The following LOXHD1 variants were observed in gnomAD, a reference collection of about 807,000 sequenced individuals.
LOXHD1 encodes lipoxygenase homology PLAT domains 1, also known as lipoxygenase homology domain-containing protein 1.
Under a neutral mutation model 248.2 loss-of-function variants are expected in LOXHD1, and 205 were observed. The observed-to-expected ratio is 0.83, with a 90% CI of 0.74 to 0.93. The LOEUF is 0.93. LOXHD1 is among the 40% of genes least tolerant of loss of function. The pLI, the probability that LOXHD1 is intolerant of heterozygous loss-of-function variation, is 0.00. For missense variants in LOXHD1, 2,930 were observed against 2,971.6 expected (o/e 0.99, Z 0.33); for synonymous variants, 1,113 against 1,162.8 (o/e 0.96, Z 0.87).
chr18:46,641,954 A>T lies in LOXHD1; in HGVS notation c.326+2T>A. 6.4e-7 allele frequency: 1 copy of T among 1,551,386 alleles called. No individual in the cohort carries two copies. The highest frequency in any genetic ancestry group is 8.7e-7 in the Non-Finnish European group (1 of 1,146,486). On this transcript the variant is annotated splice_donor_variant, in intron 3 of 40. Transcript: ENST00000642948. LOFTEE classifies it high-confidence loss of function. ...AATCCTAGTCAGGCGCCAGCTTCTC[A>T]CCTGACTTTATAGATGAGGCCCACA...
rs116413527 is a variant in LOXHD1, at chr18:46,649,223, C to T, written c.177G>A (p.Thr59=). ...AAAGCGTGATGAAGACATTGGCATCCGTCCCTGCACCGCGAACATCCCCCG... is the reference window on the plus strand; with the variant it reads ...AAAGCGTGATGAAGACATTGGCATCTGTCCCTGCACCGCGAACATCCCCCG... The part of the protein sequence containing the change: ...TATGDVRGAG[T]DANVFITLFG... Residue 59 remains threonine, a synonymous_variant, in exon 2 of 41, where the codon ACG becomes ACA. Coordinates refer to ENST00000642948, the MANE Select transcript of LOXHD1 (RefSeq NM_001384474.1). The T allele has an allele frequency of 2.0e-4, 309 of 1,551,818 alleles. 1 individual carries two copies. The African/African-American group carries it at 3.2e-3, about 16-fold the overall frequency.
chr18:46,553,704 A>C (rs553158368), intron 21 of LOXHD1, among the ~76,000 whole-genome samples: 9 of 152,338 alleles, frequency 5.9e-5, no homozygotes, highest in Non-Finnish European at 1.3e-4. Context: ...GGAGATGAGC[A>C]GCACCTAAAT....
intron 40 of LOXHD1, 44 bp from the exon 41 acceptor site, chr18:46,477,996 C>A: frequency 6.6e-7 from 1 of 1,517,074 alleles, no homozygotes; most frequent in Non-Finnish European, 8.9e-7. Context: ...GCTAAGCAGA[C>A]CCCAGCCGAG....
intron 24 of LOXHD1, among the ~76,000 whole-genome samples, chr18:46,542,277 T>C (rs1430789424): frequency 6.6e-6 from 1 of 152,108 alleles, no homozygotes; most frequent in Non-Finnish European, 1.5e-5. Context: ...CAAACAGAAC[T>C]CAGGGATGCC....
intron 33 of LOXHD1, chr18:46,519,134 T>C: frequency 1.0e-6 from 1 of 976,682 alleles, no homozygotes; most frequent in Non-Finnish European, 1.2e-6. Context: ...GAATGTTCTT[T>C]GGTCCCAGAT....
At chr18:46,483,861 A>C in intron 39 of LOXHD1, 116 bp from the exon 40 acceptor site, 1 of 1,228,344 alleles carries the variant, frequency 8.1e-7, no homozygotes, top group East Asian at 2.5e-5. Flanking sequence ...ATGGGATGGC[A>C]AGCAGGAGCT....
At chr18:46,512,208 C>T (rs1379876255) in intron 34 of LOXHD1, among the ~76,000 whole-genome samples, 1 of 152,154 alleles carries the variant, frequency 6.6e-6, no homozygotes, top group African/African-American at 2.4e-5. Flanking sequence ...CAGATAACAA[C>T]ATCGCCATTT....
intron 5 of LOXHD1, among the ~76,000 whole-genome samples, 194 bp from the exon 6 acceptor site, chr18:46,611,118 A>G (rs9964281): frequency 0.012 from 1,849 of 152,250 alleles, 31 homozygotes; most frequent in African/African-American, 0.041. Context: ...GCTTGTGCCC[A>G]GGTCTTATAA....
Position 46,610,768 on chromosome 18 carries a change from G to A in LOXHD1, c.759+8C>T. 1 of 1,548,442 alleles carries A rather than the reference G, an allele frequency of 6.5e-7. No homozygotes were observed. The highest frequency in any genetic ancestry group is 2.4e-5 in the East Asian group (1 of 40,860). On this transcript the variant is annotated splice_region_variant and intron_variant, in intron 6 of 40. Transcript: ENST00000642948. Reference sequence around the variant, plus strand: ...CCACAGGGACTGCAGAGAAGCAGCTGAACTCACCTGGGACAGGAACCAACC... The same window carrying A: ...CCACAGGGACTGCAGAGAAGCAGCTAAACTCACCTGGGACAGGAACCAACC...
At chr18:46,619,385 G>A (rs191425254) in intron 4 of LOXHD1, among the ~76,000 whole-genome samples, 8 of 152,120 alleles carry the variant, frequency 5.3e-5, no homozygotes, top group Admixed American at 3.9e-4. Context: ...CCTCAGCTCC[G>A]CTATGTTGCC....
At position 46,494,847 on chromosome 18, in the gene LOXHD1, C is replaced by CTTTTTTTTTTTTTTTTTTTT. The variant is rs1256277774; in HGVS notation, c.5879-5706_5879-5705insAAAAAAAAAAAAAAAAAAAA. On this transcript the variant is annotated intron_variant, in intron 37 of 40. Coordinates refer to ENST00000642948, the MANE Select transcript of LOXHD1 (RefSeq NM_001384474.1). ...ATTTTTCTTTCTCCTTTTTCTCTCT[C>CTTTTTTTTTTTTTTTTTTTT]TCTTTTTTTTTTTTTTTTTTTTTTG... Among the ~76,000 whole-genome samples the CTTTTTTTTTTTTTTTTTTTT allele has an allele frequency of 1.5e-4, 17 of 113,428 alleles. 1 individual carries two copies. Among genetic ancestry groups the CTTTTTTTTTTTTTTTTTTTT allele is most frequent in the Non-Finnish European group, 1.9e-4 (10 of 52,112 alleles). The allele number at this position is 113,428 out of a possible 152,430, so 74.4% of individuals were successfully genotyped here.
chr18:46,625,205 C>A (rs1015304109), intron 4 of LOXHD1, among the ~76,000 whole-genome samples: 3 of 152,188 alleles, frequency 2.0e-5, no homozygotes, highest in African/African-American at 7.2e-5. Flanking sequence ...CAAAAGTTCC[C>A]ACCTGCCAAA....
chr18:46,604,023 G>A (rs1276306070), intron 7 of LOXHD1, 83 bp downstream of exon 7: 1 of 1,519,310 alleles, frequency 6.6e-7, no homozygotes, highest in African/African-American at 1.4e-5. Flanking sequence ...TTGATCACAG[G>A]CCTCCAGCCC....
chr18:46,589,519 T>C (rs1272104260), intron 12 of LOXHD1, among the ~76,000 whole-genome samples: 1 of 152,206 alleles, frequency 6.6e-6, no homozygotes, highest in Non-Finnish European at 1.5e-5. Flanking sequence ...CAAAGGCTCT[T>C]AAGGCTTAGT....
chr18:46,573,256 A>G (rs946178213), intron 14 of LOXHD1, among the ~76,000 whole-genome samples: 6 of 152,092 alleles, frequency 3.9e-5, no homozygotes, highest in Admixed American at 1.3e-4. Context: ...GGAGTGAGCC[A>G]CGGTCCCAGC....
At chr18:46,595,528 A>G (rs1420700087) in intron 8 of LOXHD1, among the ~76,000 whole-genome samples, 2 of 152,222 alleles carry the variant, frequency 1.3e-5, no homozygotes, top group African/African-American at 4.8e-5. Context: ...CCAAGTTAGC[A>G]CCTTTAGTTA....
intron 37 of LOXHD1, among the ~76,000 whole-genome samples, chr18:46,500,850 GC>G (rs2143810826): frequency 6.6e-6 from 1 of 152,118 alleles, no homozygotes; most frequent in East Asian, 1.9e-4. Context: ...TTCATTTTAA[GC>G]GAACACCACA....
chr18:46,648,221 GC>G (rs1263034247), intron 2 of LOXHD1, among the ~76,000 whole-genome samples: 2 of 152,038 alleles, frequency 1.3e-5, no homozygotes, highest in African/African-American at 4.8e-5. Context: ...TTGCACCACC[GC>G]ACTCCAGCCT....
At position 46,498,925 on chromosome 18, in the gene LOXHD1, A is replaced by C. The variant is rs561904900; in HGVS notation, c.5878+6913T>G. Among the ~76,000 whole-genome samples the C allele has an allele frequency of 5.9e-5, 9 of 152,290 alleles. No individual in the cohort carries two copies. The East Asian group carries it at 1.7e-3, about 29-fold the overall frequency. On this transcript the variant is annotated intron_variant, in intron 37 of 40. Coordinates refer to ENST00000642948, the MANE Select transcript of LOXHD1 (RefSeq NM_001384474.1). ...GTCTGATATAATTGTTGCATCTAGAAACCCCTCAGTCACCTACAGGGGAGA... is the reference window on the plus strand; with the variant it reads ...GTCTGATATAATTGTTGCATCTAGACACCCCTCAGTCACCTACAGGGGAGA...
Sources: allele counts gnomAD v4.1 joint callset (sites outside exome capture counted in the v4.1 genomes callset), GRCh38; gene constraint gnomAD v4.1.1; transcripts MANE v1.5; gene names NCBI Gene and HGNC (gene_info 2026-07-23, HGNC 2026-07-21).